The following GFRA2 variants were observed in gnomAD, a reference collection of about 807,000 sequenced individuals.
The protein encoded by GFRA2 is GDNF family receptor alpha 2.
GFRA2 carries 17 observed loss-of-function variants against 48.3 expected under a neutral mutation model. That is an observed-to-expected ratio of 0.35 (90% CI 0.24 to 0.53). The LOEUF (loss-of-function observed/expected upper bound fraction) is 0.53. GFRA2 is among the 20% of genes least tolerant of loss of function. The probability of loss-of-function intolerance (pLI) is 0.93; values close to 1 mark genes in which losing one functional copy is unlikely to be tolerated. For missense variants in GFRA2, 660 were observed against 637.3 expected, an observed-to-expected ratio of 1.04 and a Z score of -0.38; for synonymous variants, 305 against 257.2, an observed-to-expected ratio of 1.19 and a Z score of -1.78.
chr8:21,778,938 C>G (rs988280685), intron 2 of GFRA2, among the ~76,000 whole-genome samples: 1 of 152,044 alleles, frequency 6.6e-6, no homozygotes, highest in African/African-American at 2.4e-5. Context: ...AAGCGGCCCA[C>G]GCCTATCATC....
intron 4 of GFRA2, among the ~76,000 whole-genome samples, chr8:21,746,077 C>T (rs1362051125): frequency 1.3e-5 from 2 of 152,122 alleles, no homozygotes; most frequent in East Asian, 3.9e-4. Flanking sequence ...CTCATTTGAT[C>T]GATGAAGAGC....
chr8:21,734,920 T>C (rs1402174644), intron 4 of GFRA2, among the ~76,000 whole-genome samples: 4 of 152,212 alleles, frequency 2.6e-5, no homozygotes, highest in Admixed American at 6.5e-5. Context: ...TCCCATTCTA[T>C]TCAGAGTCAT....
intron 7 of GFRA2, among the ~76,000 whole-genome samples, chr8:21,695,285 C>G (rs1186131824): frequency 6.6e-6 from 1 of 152,148 alleles, no homozygotes; most frequent in African/African-American, 2.4e-5. Flanking sequence ...AATGGAGATC[C>G]ATGGGAACCA....
At position 21,692,285 on chromosome 8, in the gene GFRA2, T is replaced by A. The variant is rs1393532407; in HGVS notation, c.*993A>T. On this transcript the variant is annotated 3_prime_UTR_variant, in exon 9 of 9. Coordinates refer to ENST00000524240, the MANE Select transcript of GFRA2 (RefSeq NM_001495.5). Reference sequence around the variant, plus strand: ...ATATGTATATGGATGTGTATATACATATATGTTAGGAGAGGAGCCCCGGTA... The same window carrying A: ...ATATGTATATGGATGTGTATATACAAATATGTTAGGAGAGGAGCCCCGGTA... The A allele has an allele frequency of 6.6e-6, 1 of 151,702 alleles. No homozygotes were observed. The highest frequency in any genetic ancestry group is 1.5e-5 in the Non-Finnish European group (1 of 67,916). 9.4% of individuals were successfully genotyped at this position (151,702 alleles called of 1,614,324 possible). A position where few individuals can be genotyped will look rare whatever the true frequency, so the allele number is the denominator to read the frequency against.
intron 4 of GFRA2, among the ~76,000 whole-genome samples, chr8:21,715,481 G>C (rs930220293): frequency 6.6e-6 from 1 of 152,154 alleles, no homozygotes; most frequent in Non-Finnish European, 1.5e-5. Flanking sequence ...GCTAATTTTT[G>C]TATTTTTAGT....
intron 3 of GFRA2, among the ~76,000 whole-genome samples, chr8:21,769,759 T>C (rs904202317): frequency 6.6e-5 from 10 of 152,060 alleles, no homozygotes; most frequent in African/African-American, 2.4e-4. Context: ...GTGAGCACCA[T>C]GATAAAGGAC....
At chr8:21,786,282 G>A (rs1807264427) in intron 1 of GFRA2, among the ~76,000 whole-genome samples, 1 of 152,132 alleles carries the variant, frequency 6.6e-6, no homozygotes, top group Non-Finnish European at 1.5e-5. Context: ...TGCCCGGCTG[G>A]AGAAAGCCTG....
intron 3 of GFRA2, among the ~76,000 whole-genome samples, chr8:21,756,506 G>C (rs1033556001): frequency 6.6e-6 from 1 of 152,126 alleles, no homozygotes; most frequent in Non-Finnish European, 1.5e-5. Context: ...TGGGGTCAGG[G>C]CTGGGCACAT....
intron 4 of GFRA2, among the ~76,000 whole-genome samples, chr8:21,721,535 G>A (rs1463452259): frequency 4.6e-5 from 7 of 152,182 alleles, no homozygotes; most frequent in East Asian, 1.9e-4. Flanking sequence ...GGGTCAAAAC[G>A]CCCGCTGCAC....
intron 2 of GFRA2, among the ~76,000 whole-genome samples, chr8:21,781,967 G>A (rs1367979636): frequency 6.7e-6 from 1 of 148,784 alleles, no homozygotes; most frequent in African/African-American, 2.6e-5. Context: ...TGTAGAAGGT[G>A]ATAGGTCAGC....
chr8:21,759,926 GA>G (rs1218234743), intron 3 of GFRA2, among the ~76,000 whole-genome samples: 1 of 150,796 alleles, frequency 6.6e-6, no homozygotes, highest in African/African-American at 2.4e-5. Flanking sequence ...GCAAATAAGA[GA>G]GGGGCCTTTC....
intron 4 of GFRA2, among the ~76,000 whole-genome samples, chr8:21,729,625 C>CCACAGACACA (rs1244012224): frequency 6.6e-6 from 1 of 152,218 alleles, no homozygotes; most frequent in Non-Finnish European, 1.5e-5. Context: ...TTGTCAAAAT[C>CCACAGACACA]CACAGACACA....
At chr8:21,786,752 G>A (rs1446696733) in intron 1 of GFRA2, among the ~76,000 whole-genome samples, 2 of 152,194 alleles carry the variant, frequency 1.3e-5, no homozygotes, top group Non-Finnish European at 2.9e-5. Flanking sequence ...CAGAGCCTGT[G>A]TGGACACCCA....
intron 4 of GFRA2, among the ~76,000 whole-genome samples, chr8:21,721,603 C>A (rs1803597822): frequency 6.6e-6 from 1 of 152,188 alleles, no homozygotes; most frequent in African/African-American, 2.4e-5. Context: ...GAGATGAAAC[C>A]AAACCACCCT....
chr8:21,787,417 A>T (rs1303492191), intron 1 of GFRA2, among the ~76,000 whole-genome samples: 2 of 152,082 alleles, frequency 1.3e-5, no homozygotes, highest in African/African-American at 2.4e-5. Flanking sequence ...CGGCCCCCAG[A>T]GGTGGAGGAG....
chr8:21,782,477 C>T, intron 2 of GFRA2, 108 bp downstream of exon 2: 2 of 807,514 alleles, frequency 2.5e-6, no homozygotes, highest in Non-Finnish European at 2.0e-6. Flanking sequence ...AGAGAGCTGG[C>T]CAGTTTGCGC....
chr8:21,743,317 G>A (rs1048238655), intron 4 of GFRA2, among the ~76,000 whole-genome samples: 6 of 152,164 alleles, frequency 3.9e-5, no homozygotes, highest in Non-Finnish European at 7.3e-5. Flanking sequence ...ACTGCTCAAG[G>A]CCAGATGGGC....
intron 4 of GFRA2, among the ~76,000 whole-genome samples, chr8:21,712,415 C>T (rs1418739209): frequency 6.4e-4 from 97 of 151,568 alleles, no homozygotes; most frequent in Non-Finnish European, 2.1e-4. Context: ...GATGGGCGGC[C>T]GGGCAGAGAC....
At chr8:21,779,078 T>C (rs1464048376) in intron 2 of GFRA2, among the ~76,000 whole-genome samples, 1 of 149,078 alleles carries the variant, frequency 6.7e-6, no homozygotes, top group African/African-American at 2.5e-5. Flanking sequence ...CAGGCTCCAG[T>C]GGTCCCAGCT....
Sources: gnomAD v4.1 joint callset for allele counts (sites outside exome capture counted in the v4.1 genomes callset) on GRCh38, gnomAD v4.1.1 for gene constraint, MANE v1.5 for transcripts, NCBI Gene and HGNC (gene_info 2026-07-23, HGNC 2026-07-21) for gene names.